Variants in DNMT3A observed in about 807,000 individuals in gnomAD.
DNMT3A encodes DNA (cytosine-5)-methyltransferase 3A.
A neutral mutation model predicts 117.6 loss-of-function variants in DNMT3A; 267 were observed. That is an observed-to-expected ratio of 2.27 (90% confidence interval 2.05 to 2.51). DNMT3A has a LOEUF of 2.51. Among genes scored for constraint, DNMT3A ranks in the 30% most tolerant of loss-of-function variants. DNMT3A has a pLI of 0.00. For synonymous variants in DNMT3A, 432 were observed against 474.8 expected, an observed-to-expected ratio of 0.91 and a Z score of 1.17; for missense variants, 1,029 against 1,260.2, an observed-to-expected ratio of 0.82 and a Z score of 2.78.
chr2:25,285,164 A>C (rs2032206485), intron 3 of DNMT3A, among the ~76,000 whole-genome samples: 1 of 152,210 alleles, frequency 6.6e-6, no homozygotes, highest in Non-Finnish European at 1.5e-5. Context: ...AGATACTGCC[A>C]AATTCCCTCC....
chr2:25,241,529 G>A, intron 17 of DNMT3A, 33 bp downstream of exon 17: 1 of 1,595,306 alleles, frequency 6.3e-7, no homozygotes, highest in East Asian at 2.2e-5. Context: ...GCAGGGAGGG[G>A]AAGACGGGCT....
chr2:25,272,136 G>A (rs1177693511), intron 6 of DNMT3A, among the ~76,000 whole-genome samples: 2 of 152,074 alleles, frequency 1.3e-5, no homozygotes, highest in Non-Finnish European at 1.5e-5. Flanking sequence ...ACAGGTGCCC[G>A]CCACTATGCC....
intron 1 of DNMT3A, among the ~76,000 whole-genome samples, chr2:25,334,716 C>T (rs191480820): frequency 5.3e-5 from 8 of 152,360 alleles, no homozygotes; most frequent in African/African-American, 1.9e-4. Context: ...TAATCCCTAC[C>T]AGCCTAGGCC....
intron 3 of DNMT3A, among the ~76,000 whole-genome samples, chr2:25,290,673 A>G (rs1421191904): frequency 6.6e-6 from 1 of 152,180 alleles, no homozygotes; most frequent in Non-Finnish European, 1.5e-5. Flanking sequence ...CAGAAAAACT[A>G]AAATCCAGGA....
chr2:25,247,836 A>G lies in DNMT3A; in HGVS notation c.856-87T>C. 5.1e-6 allele frequency: 8 copies of G among 1,562,788 alleles called. No individual in the cohort carries two copies. The highest frequency in any genetic ancestry group is 6.9e-6 in the Non-Finnish European group (8 of 1,158,260). ...CCCCATGGCAACCCCAGCCCTGGGCATCTGGGGGGCAGGACAGCCAGGAGG... is the reference window on the plus strand; with the variant it reads ...CCCCATGGCAACCCCAGCCCTGGGCGTCTGGGGGGCAGGACAGCCAGGAGG... On this transcript the variant is annotated intron_variant, in intron 7 of 22. Transcript: ENST00000321117. The surrounding 1 kb of genome is among the most constrained non-coding windows in gnomAD (Gnocchi z 5.6).
chr2:25,324,952 G>A (rs925677331), intron 1 of DNMT3A, among the ~76,000 whole-genome samples: 10 of 152,182 alleles, frequency 6.6e-5, no homozygotes, highest in East Asian at 1.9e-4. Flanking sequence ...ACAATAAGAC[G>A]GCTTGTGGCT....
chr2:25,261,555 C>T (rs531612517), intron 6 of DNMT3A, among the ~76,000 whole-genome samples: 8 of 147,798 alleles, frequency 5.4e-5, no homozygotes, highest in Middle Eastern at 7.0e-3. Flanking sequence ...TGAAGTGAGC[C>T]GAGATCACAC....
chr2:25,275,419 C>CCCCCCCCCCA, intron 5 of DNMT3A, 81 bp downstream of exon 5: 1 of 1,387,154 alleles, frequency 7.2e-7, no homozygotes, highest in Non-Finnish European at 9.9e-7. Flanking sequence ...GGCCCACCCT[C>CCCCCCCCCCA]CGCCCCCTCA....
At chr2:25,275,837 T>C (rs1278116249) in intron 4 of DNMT3A, among the ~76,000 whole-genome samples, 1 of 152,084 alleles carries the variant, frequency 6.6e-6, no homozygotes, top group South Asian at 2.1e-4. Flanking sequence ...GTCAACTCTG[T>C]CTCAGGTACA....
intron 1 of DNMT3A, among the ~76,000 whole-genome samples, chr2:25,334,914 AAAAAGTGT>A (rs1447799450): frequency 6.6e-6 from 1 of 152,218 alleles, no homozygotes; most frequent in South Asian, 2.1e-4. Context: ...ACAGGCTTTT[AAAAAGTGT>A]AGTTTTATTT....
rs1208435505 is a variant in DNMT3A at position 25,244,329 on chromosome 2, G to GC, written c.1676dup (p.Cys559TrpfsTer19). On this transcript the variant is annotated frameshift_variant, in exon 15 of 23. Coordinates refer to ENST00000321117, the MANE Select transcript of DNMT3A (RefSeq NM_022552.5). LOFTEE classifies it high-confidence loss of function. Reference sequence around the variant, plus strand: ...CCACCAAGAGGTCCACACACTCCACGCAAAAGCACCTGGAAGGAGACCCAG... The same window carrying GC: ...CCACCAAGAGGTCCACACACTCCACGCCAAAAGCACCTGGAAGGAGACCCAG... The GC allele has an allele frequency of 6.2e-7, 1 of 1,605,260 alleles. No homozygotes were observed. The highest frequency in any genetic ancestry group is 8.5e-7 in the Non-Finnish European group (1 of 1,176,136).
At chr2:25,274,806 C>A in intron 6 of DNMT3A, 135 bp downstream of exon 6, 2 of 1,271,636 alleles carry the variant, frequency 1.6e-6, no homozygotes, top group Non-Finnish European at 2.1e-6. Context: ...AGCAGATGAA[C>A]CAGTCATCAT....
chr2:25,282,806 A>T lies in DNMT3A; in HGVS notation c.178-95T>A. The T allele has an allele frequency of 1.4e-6, 2 of 1,404,588 alleles. No individual in the cohort carries two copies. Among genetic ancestry groups the T allele is most frequent in the South Asian group, 3.0e-5 (2 of 65,686 alleles). The allele number at this position is 1,404,588 out of a possible 1,614,324, so 87.0% of individuals were successfully genotyped here. A position where few individuals can be genotyped will look rare whatever the true frequency, so the allele number is the denominator to read the frequency against. ...CCGCTCTGAAATTCTAGAGAATGTT[A>T]TGCACTTTCTGTCCAGAAACTGTGT... On this transcript the variant is annotated intron_variant, in intron 3 of 22. Coordinates refer to ENST00000321117, the MANE Select transcript of DNMT3A (RefSeq NM_022552.5). The surrounding 1 kb of genome is among the most constrained non-coding windows in gnomAD (Gnocchi z 5.2).
intron 4 of DNMT3A, among the ~76,000 whole-genome samples, chr2:25,277,116 C>T (rs1454233491): frequency 6.6e-6 from 1 of 152,114 alleles, no homozygotes. Flanking sequence ...CCGCGGGGGC[C>T]GCGTGGGCGG....
chr2:25,229,014 G>C lies in DNMT3A; in HGVS notation c.*5265C>G, dbSNP rs1050624629. ...AGTGAGTAAGTCACCACCAGCAAAG[G>C]GATCTTGTGTCCTTGTCCTCCCTGC... On this transcript the variant is annotated 3_prime_UTR_variant, in exon 23 of 23. Coordinates refer to ENST00000321117, the MANE Select transcript of DNMT3A (RefSeq NM_022552.5). 6.6e-6 allele frequency: 1 copy of C among 152,174 alleles called. No individual in the cohort carries two copies. The highest frequency in any genetic ancestry group is 1.9e-4 in the East Asian group (1 of 5,184). 9.4% of individuals were successfully genotyped at this position (152,174 alleles called of 1,614,324 possible). A position where few individuals can be genotyped will look rare whatever the true frequency, so the allele number is the denominator to read the frequency against.
intron 6 of DNMT3A, among the ~76,000 whole-genome samples, chr2:25,256,895 C>T (rs1463203293): frequency 6.6e-6 from 1 of 152,194 alleles, no homozygotes; most frequent in East Asian, 1.9e-4. Flanking sequence ...CGTATGGAAG[C>T]AGTGTGGGCT....
chr2:25,300,756 T>TA (rs2033458879), intron 2 of DNMT3A, among the ~76,000 whole-genome samples: 1 of 65,190 alleles, frequency 1.5e-5, no homozygotes, highest in African/African-American at 6.7e-5. Flanking sequence ...TATATATATA[T>TA]ATATATATAT....
intron 3 of DNMT3A, among the ~76,000 whole-genome samples, chr2:25,289,840 GCCT>G (rs1191302500): frequency 2.0e-5 from 3 of 152,188 alleles, no homozygotes; most frequent in African/African-American, 7.2e-5. Flanking sequence ...CCCTGCCGCC[GCCT>G]CCTCTTCCCC....
chr2:25,316,533 G>A lies in DNMT3A; in HGVS notation c.-177-2372C>T, dbSNP rs376572239. ...TCCAGTATGTGTCTGGGCGGGCCAT[G>A]TACTACACAACCCTAGGGGGCCCCA... On this transcript the variant is annotated intron_variant, in intron 1 of 22. Transcript: ENST00000321117. 1.4e-4 allele frequency among the ~76,000 whole-genome samples: 21 copies of A among 152,316 alleles called. 2 individuals carry two copies. Among genetic ancestry groups the A allele is most frequent in the African/African-American group, 5.1e-4 (21 of 41,560 alleles).
Sources: allele counts gnomAD v4.1 joint callset (sites outside exome capture counted in the v4.1 genomes callset), GRCh38; gene constraint gnomAD v4.1.1; non-coding constraint Gnocchi (gnomAD v3.1); transcripts MANE v1.5; gene names NCBI Gene and HGNC (gene_info 2026-07-23, HGNC 2026-07-21).